Variants in SLC26A6 observed in about 807,000 individuals in gnomAD.
SLC26A6 encodes anion exchange transporter.
In SLC26A6, 67 loss-of-function variants were observed where a neutral mutation model predicts 87.1. That is an observed-to-expected ratio of 0.77 (90% CI 0.63 to 0.94). The LOEUF (loss-of-function observed/expected upper bound fraction) is 0.94, where lower values mean the gene tolerates loss of function less well. Ranked by LOEUF, SLC26A6 falls within the 40% of genes least tolerant of loss-of-function variation. The pLI is 0.00. For missense variants in SLC26A6, 902 were observed against 973.0 expected (o/e 0.93, Z 0.97); for synonymous variants, 414 against 405.9 (o/e 1.02, Z -0.24).
At chr3:48,634,898 T>C (rs1415142509) in intron 1 of SLC26A6, among the ~76,000 whole-genome samples, 4 of 152,168 alleles carry the variant, frequency 2.6e-5, no homozygotes, top group African/African-American at 4.8e-5. Context: ...CCCCGACAAC[T>C]TGGGACCCGC....
In SLC26A6 at chr3:48,632,975, C is replaced by T. The variant is rs1489409578; in HGVS notation, c.432G>A (p.Val144=). The change falls in exon 4 of 21, where the codon GTG becomes GTA. Residue 144 remains valine (V), a splice_region_variant and synonymous_variant. Transcript: ENST00000395550. ...AAGGCTAGGCCTGCCTCCACTTACCCACGGAGATGTGCCGGGAAGTGCCAA... is the reference window on the plus strand; with the variant it reads ...AAGGCTAGGCCTGCCTCCACTTACCTACGGAGATGTGCCGGGAAGTGCCAA... ...FLFGTSRHIS[V]GTFAVMSVMV... is the part of the protein sequence containing the mutation. The T allele has an allele frequency of 1.9e-6, 3 of 1,612,672 alleles. No homozygotes were observed. In the African/African-American group the frequency reaches 4.0e-5, roughly 22 times the overall value.
intron 1 of SLC26A6, chr3:48,634,829 C>T (rs902375324): frequency 1.2e-6 from 1 of 842,968 alleles, no homozygotes; most frequent in African/African-American, 1.8e-5. Flanking sequence ...TCAAGGAGAT[C>T]GTAGAGCCCC....
chr3:48,629,858 C>T lies in SLC26A6; in HGVS notation c.1529+14G>A, dbSNP rs761406661. The T allele has an allele frequency of 3.7e-6, 6 of 1,614,004 alleles. No homozygotes were observed. In the African/African-American group the frequency reaches 4.0e-5, roughly 11 times the overall value. On this transcript the variant is annotated intron_variant, in intron 13 of 20. Coordinates refer to ENST00000395550, the MANE Select transcript of SLC26A6 (RefSeq NM_022911.3). ...TCACTAGCTGGAATGAGGGGACCAA[C>T]ATGGCGGACTCACATCTGTGTCCGG...
In SLC26A6 at chr3:48,632,168, A is replaced by C. The variant is rs1351504249; in HGVS notation, c.585+77T>G. 362 of 1,575,666 alleles carry C rather than the reference A, an allele frequency of 2.3e-4. 1 individual carries two copies. Among genetic ancestry groups the C allele is most frequent in the Middle Eastern group, 5.1e-4 (3 of 5,892 alleles). On this transcript the variant is annotated intron_variant, in intron 5 of 20. Transcript: ENST00000395550. ...AAGAGGAGGACGACGATGGTCAGAC[A>C]CTCAGGGGAGTACAGACAGGACAGT...
At chr3:48,633,912 G>A in intron 1 of SLC26A6, 1 of 1,318,398 alleles carries the variant, frequency 7.6e-7, no homozygotes, top group Non-Finnish European at 9.7e-7. Context: ...GCCGAGATGT[G>A]GCAGCCCAGT....
chr3:48,627,898 A>G, intron 17 of SLC26A6, 48 bp downstream of exon 17: 1 of 1,531,890 alleles, frequency 6.5e-7, no homozygotes, highest in Non-Finnish European at 8.8e-7. Flanking sequence ...TGGATCCTGC[A>G]TCTCTGCAGC....
rs374231354 is a variant in SLC26A6 at position 48,626,583 on chromosome 3, T to C, written c.2128+48A>G. The C allele has an allele frequency of 1.7e-5, 27 of 1,612,214 alleles. No individual in the cohort carries two copies. In the African/African-American group the frequency reaches 3.3e-4, roughly 20 times the overall value. Reference sequence around the variant, plus strand: ...ACTTGGAAAACCCCTTGGCCAAAAGTATCCTACCCTCTTCCCAGGTCCCTC... The same window carrying C: ...ACTTGGAAAACCCCTTGGCCAAAAGCATCCTACCCTCTTCCCAGGTCCCTC... On this transcript the variant is annotated intron_variant, in intron 19 of 20. Transcript: ENST00000395550.
At chr3:48,635,215 T>C (rs2046923249) in intron 1 of SLC26A6, among the ~76,000 whole-genome samples, 156 bp downstream of exon 1, 1 of 151,684 alleles carries the variant, frequency 6.6e-6, no homozygotes, top group African/African-American at 2.4e-5. Context: ...CCCCCACCCC[T>C]TGCTGCAGAG....
intron 5 of SLC26A6, 72 bp downstream of exon 5, chr3:48,632,171 CAG>C (rs2046821295): frequency 1.3e-6 from 2 of 1,574,350 alleles, no homozygotes; most frequent in Non-Finnish European, 1.7e-6. Context: ...GTCAGACACT[CAG>C]GGGAGTACAG....
At chr3:48,627,123 C>T (rs2046647725) in intron 17 of SLC26A6, 68 bp from the exon 18 acceptor site, 13 of 1,542,680 alleles carry the variant, frequency 8.4e-6, no homozygotes, top group African/African-American at 5.5e-5. Flanking sequence ...CGCACACAGA[C>T]ACGCGAGAAC....
Position 48,625,923 on chromosome 3 carries a change from G to A in SLC26A6, c.*63C>T, listed in dbSNP as rs2046607507. On this transcript the variant is annotated 3_prime_UTR_variant, in exon 21 of 21. Coordinates refer to ENST00000395550, the MANE Select transcript of SLC26A6 (RefSeq NM_022911.3). The surrounding 1 kb of genome is among the most constrained non-coding windows in gnomAD (Gnocchi z 4.7). The stretch of plus-strand genomic sequence containing the variant: ...TAGCACCTGGAGGCGGCCTAGGGGT[G>A]AGGGGCTTCTCAAGGGTGCCCTGCA... 1 of 1,610,388 alleles carries A rather than the reference G, an allele frequency of 6.2e-7. No homozygotes were observed.
At chr3:48,632,887 G>C (rs769811923) in intron 4 of SLC26A6, 87 bp downstream of exon 4, 22 of 1,327,400 alleles carry the variant, frequency 1.7e-5, no homozygotes, top group Non-Finnish European at 2.2e-5. Flanking sequence ...TTCCCCAGCC[G>C]CTCCTGCCCT....
intron 1 of SLC26A6, among the ~76,000 whole-genome samples, chr3:48,634,972 G>C (rs948461597): frequency 6.6e-6 from 1 of 152,242 alleles, no homozygotes; most frequent in Non-Finnish European, 1.5e-5. Flanking sequence ...GGCCAGAAAG[G>C]CCGGAGCGCT....
At position 48,635,358 on chromosome 3, in the gene SLC26A6, G is replaced by T. The variant is rs1220748312; in HGVS notation, c.23+13C>A. 6.3e-7 allele frequency: 1 copy of T among 1,588,566 alleles called. No individual in the cohort carries two copies. The highest frequency in any genetic ancestry group is 1.1e-5 in the South Asian group (1 of 87,980). ...GCTCGCGCGGGGCCACCGGGAATGT[G>T]CGCTGAACTCACCCCGACGCATCCG... On this transcript the variant is annotated intron_variant, in intron 1 of 20. Coordinates refer to ENST00000395550, the MANE Select transcript of SLC26A6 (RefSeq NM_022911.3).
At chr3:48,632,782 G>A in intron 4 of SLC26A6, 192 bp downstream of exon 4, 2 of 688,112 alleles carry the variant, frequency 2.9e-6, no homozygotes, top group Non-Finnish European at 5.1e-6. Context: ...AGGGCTTTGA[G>A]GTCACCTGCC....
rs1178451605 is a variant in SLC26A6 at position 48,628,894 on chromosome 3, C to T, written c.1600-180G>A. ...ACAAGCCCGACGGTGTCATCCCCAT[C>T]CCCCCACAGTGCCTCTCCCTCCCCA... On this transcript the variant is annotated intron_variant, in intron 14 of 20. Coordinates refer to ENST00000395550, the MANE Select transcript of SLC26A6 (RefSeq NM_022911.3). This position sits in a 1 kb window ranked among gnomAD's most constrained non-coding sequence, Gnocchi z 4.4. Among the ~76,000 whole-genome samples the T allele has an allele frequency of 2.0e-5, 3 of 152,106 alleles. No individual in the cohort carries two copies. The highest frequency in any genetic ancestry group is 2.0e-4 in the Admixed American group (3 of 15,276).
In SLC26A6 at chr3:48,628,227, TCA is replaced by T. The variant is rs1355751280; in HGVS notation, c.1801-191_1801-190del. The T allele has an allele frequency of 2.6e-6, 2 of 764,002 alleles. No homozygotes were observed. Among genetic ancestry groups the T allele is most frequent in the African/African-American group, 3.5e-5 (2 of 56,854 alleles). The allele number at this position is 764,002 out of a possible 1,614,324, so 47.3% of individuals were successfully genotyped here. A position where few individuals can be genotyped will look rare whatever the true frequency, so the allele number is the denominator to read the frequency against. ...AAAGGGAAGAGGACTGTGACGGTTC[TCA>T]CTGTCACTGGTTCAGATGATGGGAG... On this transcript the variant is annotated intron_variant, in intron 16 of 20. Coordinates refer to ENST00000395550, the MANE Select transcript of SLC26A6 (RefSeq NM_022911.3). This position sits in a 1 kb window ranked among gnomAD's most constrained non-coding sequence, Gnocchi z 4.4.
intron 12 of SLC26A6, 26 bp downstream of exon 12, chr3:48,630,036 C>T (rs769355953): frequency 6.2e-7 from 1 of 1,613,504 alleles, no homozygotes; most frequent in South Asian, 1.1e-5. Flanking sequence ...TGCCCAGTCC[C>T]TGCCCTGGGC....
chr3:48,630,746 G>A (rs768531283), intron 9 of SLC26A6, 26 bp from the exon 10 acceptor site: 23 of 1,577,600 alleles, frequency 1.5e-5, no homozygotes, highest in Admixed American at 1.8e-5. Context: ...ACGGGTGTGA[G>A]AAGACTTCCT....
Sources: allele counts gnomAD v4.1 joint callset (sites outside exome capture counted in the v4.1 genomes callset), GRCh38; gene constraint gnomAD v4.1.1; non-coding constraint Gnocchi (gnomAD v3.1); transcripts MANE v1.5; gene names NCBI Gene and HGNC (gene_info 2026-07-23, HGNC 2026-07-21).